The following AGFG1 variants were observed in gnomAD, a reference collection of about 807,000 sequenced individuals.
The protein encoded by AGFG1 is ArfGAP with FG repeats 1, also known as arf-GAP domain and FG repeat-containing protein 1.
AGFG1 carries 10 observed loss-of-function variants against 60.6 expected under a neutral mutation model. The ratio of observed to expected loss-of-function variants is 0.16; its 90% CI spans 0.10 to 0.28. The LOEUF (loss-of-function observed/expected upper bound fraction) is 0.28. Ranked by LOEUF, AGFG1 falls within the 10% of genes least tolerant of loss-of-function variation. The pLI, the probability that AGFG1 is intolerant of heterozygous loss-of-function variation, is 1.00. For synonymous variants in AGFG1, 247 were observed against 242.9 expected, an observed-to-expected ratio of 1.02 and a Z score of -0.16; for missense variants, 537 against 676.5, an observed-to-expected ratio of 0.79 and a Z score of 2.29.
At chr2:227,513,361 C>G (rs975248066) in intron 2 of AGFG1, among the ~76,000 whole-genome samples, 5 of 152,180 alleles carry the variant, frequency 3.3e-5, no homozygotes, top group Admixed American at 6.5e-5. Context: ...CTTCTTGTCC[C>G]TGCTTTCTAG....
intron 10 of AGFG1, among the ~76,000 whole-genome samples, chr2:227,546,476 C>T (rs1196678475): frequency 1.3e-5 from 2 of 152,218 alleles, no homozygotes; most frequent in African/African-American, 4.8e-5. Flanking sequence ...TCGGCTCACA[C>T]TCCGTGGGCT....
chr2:227,546,014 A>G (rs535383029), intron 10 of AGFG1, among the ~76,000 whole-genome samples: 4 of 152,296 alleles, frequency 2.6e-5, no homozygotes, highest in African/African-American at 9.6e-5. Flanking sequence ...ATTGCTCTCT[A>G]CAAAGCTGTC....
In AGFG1 at chr2:227,553,547, T is replaced by C. The variant is rs57107612; in HGVS notation, c.1538-157T>C. Among the ~76,000 whole-genome samples the C allele has an allele frequency of 5.6e-3, 858 of 152,204 alleles. 8 individuals carry two copies. The highest frequency in any genetic ancestry group is 0.019 in the African/African-American group (803 of 41,532). On this transcript the variant is annotated intron_variant, in intron 11 of 12. Coordinates refer to ENST00000310078, the MANE Select transcript of AGFG1 (RefSeq NM_004504.5). ...AAGACATGCTACAGTAAGTTTGTCTTTGGTATCTGAAAGAGCTTGAGGCCT... is the reference window on the plus strand; with the variant it reads ...AAGACATGCTACAGTAAGTTTGTCTCTGGTATCTGAAAGAGCTTGAGGCCT...
rs79825583 is a variant in AGFG1, at chr2:227,533,729, A to G, written c.995A>G (p.Asn332Ser). 6.2e-7 allele frequency: 1 copy of G among 1,613,726 alleles called. No individual in the cohort carries two copies. The part of the protein sequence containing the change: ...QTADKYAALA[N>S]LDNIFSAGQG... ...GCAGACAAATATGCAGCACTTGCTA[A>G]TTTAGACAATATCTTCAGTGCCGGG... The change falls in exon 7 of 13, where the codon AAT (asparagine) becomes AGT (serine). Residue 332 changes from asparagine (N) to serine (S), a missense_variant. Physicochemically the swap from Asn to Ser is conservative, Grantham distance 46 (BLOSUM62 1). Coordinates refer to ENST00000310078, the MANE Select transcript of AGFG1 (RefSeq NM_004504.5).
intron 6 of AGFG1, among the ~76,000 whole-genome samples, chr2:227,531,785 A>G (rs1384433517): frequency 1.3e-5 from 2 of 152,104 alleles, no homozygotes; most frequent in African/African-American, 4.8e-5. Context: ...GGCTGACATT[A>G]TACCTCTTAA....
chr2:227,523,983 G>C (rs537065740), intron 4 of AGFG1, 58 bp downstream of exon 4: 3 of 1,495,402 alleles, frequency 2.0e-6, no homozygotes, highest in Non-Finnish European at 2.7e-6. Flanking sequence ...TGAGTATCAA[G>C]AATTTGAGAA....
chr2:227,534,589 A>G (rs1692255139), intron 7 of AGFG1, among the ~76,000 whole-genome samples: 1 of 152,164 alleles, frequency 6.6e-6, no homozygotes, highest in East Asian at 1.9e-4. Context: ...TTTCTTTCTT[A>G]TGCATAATCC....
At chr2:227,515,256 T>G (rs1046550052) in intron 2 of AGFG1, among the ~76,000 whole-genome samples, 1 of 152,156 alleles carries the variant, frequency 6.6e-6, no homozygotes, top group Non-Finnish European at 1.5e-5. Context: ...TTATTCTCAC[T>G]AGTGTTAATC....
At chr2:227,514,969 A>G (rs1229175388) in intron 2 of AGFG1, among the ~76,000 whole-genome samples, 1 of 152,068 alleles carries the variant, frequency 6.6e-6, no homozygotes, top group East Asian at 1.9e-4. Context: ...GACACCCAGG[A>G]TGGAGTAGAG....
intron 5 of AGFG1, among the ~76,000 whole-genome samples, chr2:227,528,687 G>A (rs1489138860): frequency 6.6e-6 from 1 of 152,054 alleles, no homozygotes; most frequent in African/African-American, 2.4e-5. Flanking sequence ...CTCTTTAAAT[G>A]CAGTTTGTGA....
chr2:227,507,933 T>G (rs937374215), intron 2 of AGFG1, among the ~76,000 whole-genome samples: 1 of 152,178 alleles, frequency 6.6e-6, no homozygotes, highest in African/African-American at 2.4e-5. Flanking sequence ...TGAGGTAATC[T>G]GTTTTTGAAA....
chr2:227,520,842 A>T (rs1351309892), intron 3 of AGFG1, among the ~76,000 whole-genome samples: 2 of 152,176 alleles, frequency 1.3e-5, no homozygotes, highest in African/African-American at 2.4e-5. Flanking sequence ...TGGGGCAGAG[A>T]GTCAAAATAG....
intron 10 of AGFG1, among the ~76,000 whole-genome samples, chr2:227,542,480 GA>G (rs2106232944): frequency 6.6e-6 from 1 of 152,290 alleles, no homozygotes; most frequent in East Asian, 1.9e-4. Context: ...TGCATATGTT[GA>G]ACCAGCCTTG....
intron 2 of AGFG1, among the ~76,000 whole-genome samples, chr2:227,493,377 T>A (rs181214648): frequency 6.6e-6 from 1 of 152,308 alleles, no homozygotes; most frequent in African/African-American, 2.4e-5. Flanking sequence ...GTTTGACTAT[T>A]TTAGATACCT....
At chr2:227,494,081 C>T (rs1349022956) in intron 2 of AGFG1, among the ~76,000 whole-genome samples, 1 of 152,166 alleles carries the variant, frequency 6.6e-6, no homozygotes, top group Non-Finnish European at 1.5e-5. Flanking sequence ...TTATAGTATA[C>T]CAAAGAACAT....
intron 2 of AGFG1, among the ~76,000 whole-genome samples, chr2:227,516,995 ATCATTAGTTAGGTTTCTGCCTGAGGAGAG>A (rs1691669422): frequency 6.6e-6 from 1 of 152,168 alleles, no homozygotes; most frequent in Non-Finnish European, 1.5e-5. Flanking sequence ...TTTTGGGAGA[ATCATTAGTTAGGTTTCTGCCTGAGGAGAG>A]TCCCATGTAG....
chr2:227,492,177 C>T (rs548428287), intron 2 of AGFG1, among the ~76,000 whole-genome samples: 1 of 151,878 alleles, frequency 6.6e-6, no homozygotes, highest in African/African-American at 2.4e-5. Flanking sequence ...AGCTTTTTTT[C>T]TTCTTGCCTT....
At chr2:227,545,864 A>T (rs1334786628) in intron 10 of AGFG1, among the ~76,000 whole-genome samples, 1 of 152,142 alleles carries the variant, frequency 6.6e-6, no homozygotes, top group Non-Finnish European at 1.5e-5. Context: ...GCTTCGTCTC[A>T]GAGGGGCACC....
At chr2:227,532,977 A>G (rs1365519663) in intron 6 of AGFG1, among the ~76,000 whole-genome samples, 1 of 152,194 alleles carries the variant, frequency 6.6e-6, no homozygotes, top group East Asian at 1.9e-4. Context: ...TTTACAGTGG[A>G]CATCTTGATA....
Sources: gnomAD v4.1 joint callset for allele counts (sites outside exome capture counted in the v4.1 genomes callset) on GRCh38, gnomAD v4.1.1 for gene constraint, MANE v1.5 for transcripts, NCBI Gene and HGNC (gene_info 2026-07-23, HGNC 2026-07-21) for gene names.